PLCE1: variants seen among roughly 807,000 people sequenced by gnomAD.
The protein encoded by PLCE1 is 1-phosphatidylinositol 4,5-bisphosphate phosphodiesterase epsilon-1.
In PLCE1, 119 loss-of-function variants were observed where a neutral mutation model predicts 242.8. That is an observed-to-expected ratio of 0.49 (90% confidence interval 0.42 to 0.57). The LOEUF (loss-of-function observed/expected upper bound fraction) is 0.57. PLCE1 is among the 20% of genes least tolerant of loss of function. The pLI is 0.00. For missense variants in PLCE1, 2,441 were observed against 2,788.8 expected, an observed-to-expected ratio of 0.88 and a Z score of 2.81; for synonymous variants, 945 against 1,017.4, an observed-to-expected ratio of 0.93 and a Z score of 1.35.
At chr10:94,319,214 C>CTTTG (rs1263327428) in intron 29 of PLCE1, among the ~76,000 whole-genome samples, 1 of 151,992 alleles carries the variant, frequency 6.6e-6, no homozygotes, top group African/African-American at 2.4e-5. Flanking sequence ...CTTTATATGC[C>CTTTG]TTTGTTAGGA....
At position 94,306,414 on chromosome 10, in the gene PLCE1, T is replaced by C. The variant is rs367899279; in HGVS notation, c.5623-13T>C. 1 of 1,614,012 alleles carries C rather than the reference T, an allele frequency of 6.2e-7. No individual in the cohort carries two copies. Among genetic ancestry groups the C allele is most frequent in the Admixed American group, 1.7e-5 (1 of 59,988 alleles). On this transcript the variant is annotated splice_polypyrimidine_tract_variant and intron_variant, in intron 25 of 32. Coordinates refer to ENST00000371380, the MANE Select transcript of PLCE1 (RefSeq NM_016341.4). The surrounding 1 kb of genome is among the most constrained non-coding windows in gnomAD (Gnocchi z 5.7). The stretch of plus-strand genomic sequence containing the variant: ...CTCGGTGACTTTGATCCCTTTTGTC[T>C]CCCTCACCCTAGATTGTCTCTGGTC...
intron 26 of PLCE1, among the ~76,000 whole-genome samples, chr10:94,307,051 C>T (rs766860468): frequency 1.6e-4 from 25 of 152,128 alleles, no homozygotes; most frequent in Admixed American, 4.6e-4. Context: ...GCATAAGTGA[C>T]CGTGCAGTTG....
Position 94,045,123 on chromosome 10 carries a change from C to T in PLCE1, c.1206+12871C>T, listed in dbSNP as rs142966792. ...TCAAGCAGTCCTCCTGCTTCAGCCT[C>T]CTGAGAAGCTGGGATTATAGATGCA... On this transcript the variant is annotated intron_variant, in intron 2 of 32. Transcript: ENST00000371380. 2.3e-3 allele frequency among the ~76,000 whole-genome samples: 353 copies of T among 152,174 alleles called. 1 individual carries two copies. Among genetic ancestry groups the T allele is most frequent in the African/African-American group, 8.2e-3 (342 of 41,514 alleles).
intron 11 of PLCE1, among the ~76,000 whole-genome samples, chr10:94,257,381 A>C (rs1442425882): frequency 6.6e-6 from 1 of 152,112 alleles, no homozygotes; most frequent in Non-Finnish European, 1.5e-5. Flanking sequence ...GGTCCTCTAG[A>C]ACTAGAAATA....
Position 94,258,825 on chromosome 10 carries a change from G to A in PLCE1, c.3580G>A (p.Gly1194Arg), listed in dbSNP as rs762050661. 23 of 1,614,074 alleles carry A rather than the reference G, an allele frequency of 1.4e-5. No homozygotes were observed. The highest frequency in any genetic ancestry group is 1.1e-4 in the South Asian group (10 of 91,086). ...TGCTTGGAGCAGTAGTAGCTGGCACGGGCGGATCAAAGGCGGCATGAAGGG... is the reference window on the plus strand; with the variant it reads ...TGCTTGGAGCAGTAGTAGCTGGCACAGGCGGATCAAAGGCGGCATGAAGGG... The part of the protein sequence containing the change: ...SSAWSSSSWH[G>R]RIKGGMKGFQ... Residue 1194 changes from glycine to arginine, a missense_variant, in exon 12 of 33, where the codon GGG becomes AGG. Transcript: ENST00000371380.
chr10:93,997,641 T>C (rs934999518), intron 1 of PLCE1, among the ~76,000 whole-genome samples: 5 of 148,694 alleles, frequency 3.4e-5, no homozygotes, highest in Admixed American at 1.3e-4. Flanking sequence ...CCTTTTTTTT[T>C]TTTTTTTTTT....
chr10:94,067,630 C>A (rs1213525349), intron 2 of PLCE1, among the ~76,000 whole-genome samples: 1 of 152,154 alleles, frequency 6.6e-6, no homozygotes, highest in Non-Finnish European at 1.5e-5. Context: ...CCAGGGCTAA[C>A]AGCAAAGGGC....
intron 7 of PLCE1, among the ~76,000 whole-genome samples, chr10:94,245,700 T>C (rs2050655132): frequency 6.6e-6 from 1 of 152,246 alleles, no homozygotes; most frequent in African/African-American, 2.4e-5. Context: ...TTGGCCAGGC[T>C]GGTCTTGATC....
rs1564905940 is a variant in PLCE1 at position 94,331,694 on chromosome 10, A to C, written c.*3751A>C. On this transcript the variant is annotated 3_prime_UTR_variant, in exon 33 of 33. Coordinates refer to ENST00000371380, the MANE Select transcript of PLCE1 (RefSeq NM_016341.4). The stretch of plus-strand genomic sequence containing the variant: ...AGATTGTCTCTTATACAGAGTCTAG[A>C]CTTGGGTCAATATTCCCCATGATCC... 1 of 152,080 alleles carries C rather than the reference A, an allele frequency of 6.6e-6. No homozygotes were observed. Among genetic ancestry groups the C allele is most frequent in the Non-Finnish European group, 1.5e-5 (1 of 68,006 alleles). 9.4% of individuals were successfully genotyped at this position (152,080 alleles called of 1,614,324 possible). A position where few individuals can be genotyped will look rare whatever the true frequency, so the allele number is the denominator to read the frequency against.
intron 2 of PLCE1, among the ~76,000 whole-genome samples, chr10:94,040,690 C>T (rs1273989042): frequency 6.6e-6 from 1 of 152,082 alleles, no homozygotes; most frequent in Non-Finnish European, 1.5e-5. Context: ...GTACAAGGGC[C>T]TAAGAGAGTC....
chr10:94,122,688 C>T (rs1273498110), intron 2 of PLCE1, among the ~76,000 whole-genome samples: 9 of 152,102 alleles, frequency 5.9e-5, no homozygotes, highest in African/African-American at 1.7e-4. Context: ...ATGATAGGGA[C>T]GTAAGTGCTT....
intron 22 of PLCE1, among the ~76,000 whole-genome samples, chr10:94,286,323 G>A (rs1213651688): frequency 2.0e-5 from 3 of 152,090 alleles, no homozygotes; most frequent in African/African-American, 4.8e-5. Context: ...TGGGCCAGAG[G>A]CATTGGGCTA....
intron 4 of PLCE1, among the ~76,000 whole-genome samples, chr10:94,210,008 G>A (rs1193750693): frequency 6.6e-6 from 1 of 152,058 alleles, no homozygotes; most frequent in African/African-American, 2.4e-5. Context: ...GAGACTTAAA[G>A]CCAGCACCTC....
chr10:94,155,246 T>C (rs537516065), intron 3 of PLCE1, among the ~76,000 whole-genome samples: 38 of 152,294 alleles, frequency 2.5e-4, no homozygotes, highest in Non-Finnish European at 5.9e-5. Flanking sequence ...GTCCATCAAC[T>C]GATGAATAAA....
At chr10:94,178,909 T>C (rs2048210680) in intron 4 of PLCE1, among the ~76,000 whole-genome samples, 1 of 152,188 alleles carries the variant, frequency 6.6e-6, no homozygotes, top group Admixed American at 6.5e-5. Flanking sequence ...TCAATCAAAG[T>C]TTTCCCCCTC....
intron 4 of PLCE1, among the ~76,000 whole-genome samples, chr10:94,176,730 G>C (rs1056272505): frequency 6.6e-6 from 1 of 152,202 alleles, no homozygotes; most frequent in Non-Finnish European, 1.5e-5. Flanking sequence ...TAGAAGCAGT[G>C]TACTGTGGTA....
chr10:94,012,362 T>G (rs1015990599), intron 1 of PLCE1, among the ~76,000 whole-genome samples: 7 of 151,738 alleles, frequency 4.6e-5, no homozygotes, highest in Admixed American at 2.0e-4. Context: ...AAGTCAAGCT[T>G]GGCTGGGAGT....
At chr10:94,144,192 A>G (rs1394367946) in intron 3 of PLCE1, among the ~76,000 whole-genome samples, 1 of 152,196 alleles carries the variant, frequency 6.6e-6, no homozygotes, top group Non-Finnish European at 1.5e-5. Context: ...GAGCAAAGCC[A>G]GTATTTGATC....
At chr10:94,014,091 A>G (rs1348559240) in intron 1 of PLCE1, among the ~76,000 whole-genome samples, 3 of 152,114 alleles carry the variant, frequency 2.0e-5, no homozygotes, top group Non-Finnish European at 4.4e-5. Context: ...AGCCAGCTCA[A>G]AACTGAAGAG....
Sources: gnomAD v4.1 joint callset for allele counts (sites outside exome capture counted in the v4.1 genomes callset) on GRCh38, gnomAD v4.1.1 for gene constraint, Gnocchi (gnomAD v3.1) non-coding constraint, MANE v1.5 for transcripts, NCBI Gene and HGNC (gene_info 2026-07-23, HGNC 2026-07-21) for gene names.